PAX5: variants seen among roughly 807,000 people sequenced by gnomAD.
PAX5 encodes paired box protein Pax-5.
Under a neutral mutation model 43.7 loss-of-function variants are expected in PAX5, and 9 were observed. The ratio of observed to expected loss-of-function variants is 0.21; its 90% CI spans 0.12 to 0.36. The LOEUF (loss-of-function observed/expected upper bound fraction) is 0.36. PAX5 is among the 10% of genes least tolerant of loss of function. The pLI is 1.00. For synonymous variants in PAX5, 228 were observed against 214.3 expected (o/e 1.06, Z -0.56); for missense variants, 383 against 532.7 (o/e 0.72, Z 2.77).
chr9:36,896,428 C>T (rs1262704734), intron 7 of PAX5, among the ~76,000 whole-genome samples: 1 of 151,984 alleles, frequency 6.6e-6, no homozygotes, highest in Non-Finnish European at 1.5e-5. Flanking sequence ...GCAGGCTGAG[C>T]AGGTGCACTG....
intron 5 of PAX5, among the ~76,000 whole-genome samples, chr9:36,996,349 C>T: frequency 6.6e-6 from 1 of 152,274 alleles, no homozygotes; most frequent in East Asian, 1.9e-4. Flanking sequence ...CGCCAGATAA[C>T]AAAATGGAGG....
Position 36,988,519 on chromosome 9 carries a change from C to T in PAX5, c.604+14129G>A, listed in dbSNP as rs530630010. ...TGACAAAAAAATTTTAAAAAATAGC[C>T]GGGTGTGGTGGTGCATGCCTGCAGT... On this transcript the variant is annotated intron_variant, in intron 5 of 9. Transcript: ENST00000358127. 8.6e-5 allele frequency among the ~76,000 whole-genome samples: 13 copies of T among 151,874 alleles called. No individual in the cohort carries two copies. The South Asian group carries it at 2.3e-3, about 27-fold the overall frequency.
intron 8 of PAX5, among the ~76,000 whole-genome samples, chr9:36,879,634 C>G (rs1826225548): frequency 6.6e-6 from 1 of 152,168 alleles, no homozygotes; most frequent in Non-Finnish European, 1.5e-5. Context: ...CACAGCCCCC[C>G]GGAAATTCCC....
chr9:36,969,368 G>A (rs12552934), intron 5 of PAX5, among the ~76,000 whole-genome samples: 85,695 of 152,038 alleles, frequency 0.56, 26,012 homozygotes, highest in East Asian at 0.78. Flanking sequence ...CCTCTCCCCC[G>A]GGACTCATGG....
intron 5 of PAX5, among the ~76,000 whole-genome samples, chr9:36,967,009 C>T (rs1003245602): frequency 1.3e-5 from 2 of 152,196 alleles, no homozygotes; most frequent in African/African-American, 2.4e-5. Context: ...TTATTTTCCC[C>T]ACTTTGCAGA....
intron 5 of PAX5, among the ~76,000 whole-genome samples, chr9:36,977,522 T>G (rs796745235): frequency 6.0e-5 from 9 of 150,958 alleles, no homozygotes; most frequent in South Asian, 2.1e-4. Context: ...TTTTTTGGGG[T>G]TTTTTTGTTT....
intron 8 of PAX5, among the ~76,000 whole-genome samples, chr9:36,861,672 G>A (rs1245662874): frequency 6.6e-6 from 1 of 151,956 alleles, no homozygotes; most frequent in Non-Finnish European, 1.5e-5. Context: ...GGGCAGGAGT[G>A]TGGGAGGTGT....
At chr9:36,948,020 C>T (rs1400735166) in intron 6 of PAX5, among the ~76,000 whole-genome samples, 2 of 152,140 alleles carry the variant, frequency 1.3e-5, no homozygotes, top group Admixed American at 6.5e-5. Context: ...ATCCTCTGAA[C>T]GTCTCCCACG....
chr9:36,954,884 C>T (rs1026863472), intron 6 of PAX5, among the ~76,000 whole-genome samples: 20 of 151,948 alleles, frequency 1.3e-4, no homozygotes, highest in Admixed American at 1.3e-3. Context: ...TATCTCTTAC[C>T]TTTTTCTTTC....
At chr9:36,918,799 C>G (rs930653766) in intron 7 of PAX5, among the ~76,000 whole-genome samples, 1 of 152,196 alleles carries the variant, frequency 6.6e-6, no homozygotes, top group Non-Finnish European at 1.5e-5. Flanking sequence ...AAGTTAGAAG[C>G]TAGCAGAGAT....
At position 36,839,562 on chromosome 9, in the gene PAX5, G is replaced by A. The variant is rs1325786431; in HGVS notation, c.*998C>T. The A allele has an allele frequency of 4.3e-6, 1 of 233,326 alleles. No homozygotes were observed. Among genetic ancestry groups the A allele is most frequent in the Admixed American group, 5.6e-5 (1 of 17,788 alleles). 14.5% of individuals were successfully genotyped at this position (233,326 alleles called of 1,614,324 possible). A position where few individuals can be genotyped will look rare whatever the true frequency, so the allele number is the denominator to read the frequency against. ...TCCACTTGCTGGGGTCCTGGAGGGT[G>A]GGTGAAGTGTCCATGGCAGGTGTCC... is the stretch of plus-strand genomic sequence containing the variant. On this transcript the variant is annotated 3_prime_UTR_variant, in exon 10 of 10. Coordinates refer to ENST00000358127, the MANE Select transcript of PAX5 (RefSeq NM_016734.3).
At chr9:36,971,804 C>T (rs1462969763) in intron 5 of PAX5, among the ~76,000 whole-genome samples, 1 of 152,198 alleles carries the variant, frequency 6.6e-6, no homozygotes, top group Non-Finnish European at 1.5e-5. Context: ...ATGTTATTCA[C>T]AACCCAGCTT....
At chr9:36,960,497 C>T (rs540645598) in intron 6 of PAX5, among the ~76,000 whole-genome samples, 5 of 151,994 alleles carry the variant, frequency 3.3e-5, no homozygotes, top group African/African-American at 7.3e-5. Flanking sequence ...GATGAAGGTC[C>T]GGGGTTGGGT....
In PAX5 at chr9:36,965,672, C is replaced by G. The variant is rs186374364; in HGVS notation, c.780+877G>C. On this transcript the variant is annotated intron_variant, in intron 6 of 9. Transcript: ENST00000358127. The stretch of plus-strand genomic sequence containing the variant: ...TAGAGGAAACTCAGCGCAGCCAGTT[C>G]TCACCACTAGTACCAGCGAGGAAAG... 2.6e-5 allele frequency among the ~76,000 whole-genome samples: 4 copies of G among 152,300 alleles called. No individual in the cohort carries two copies. In the East Asian group the frequency reaches 7.7e-4, roughly 29 times the overall value.
In PAX5 at chr9:36,923,430, C is replaced by A. The variant is rs2131969199; in HGVS notation, c.835G>T (p.Ala279Ser). 6.2e-7 allele frequency: 1 copy of A among 1,612,972 alleles called. No homozygotes were observed. Among genetic ancestry groups the A allele is most frequent in the East Asian group, 2.2e-5 (1 of 44,878 alleles). The part of the protein sequence containing the change: ...SLAGGLDDMK[A>S]NLASPTPADI... ...GCAGGGGTGGGGCTGGCCAGATTGG[C>A]CTTCATGTCGTCCAGCCCACCAGCC... The change falls in exon 7 of 10, where the codon GCC (alanine) becomes TCC (serine). Residue 279 changes from alanine to serine, a missense_variant. Physicochemically the swap from Ala to Ser is moderately conservative, Grantham distance 99. Transcript: ENST00000358127.
chr9:36,998,204 T>C (rs1837553847), intron 5 of PAX5, among the ~76,000 whole-genome samples: 3 of 152,188 alleles, frequency 2.0e-5, no homozygotes, highest in Admixed American at 2.0e-4. Context: ...TACCTGCTGC[T>C]GAAGAACAGT....
chr9:36,917,562 G>T (rs1014799894), intron 7 of PAX5, among the ~76,000 whole-genome samples: 1 of 152,220 alleles, frequency 6.6e-6, no homozygotes, highest in African/African-American at 2.4e-5. Flanking sequence ...GGCTAGATTA[G>T]CCCTTTGGCC....
At chr9:36,966,503 C>T (rs748899676) in intron 6 of PAX5, 46 bp downstream of exon 6, 31 of 1,584,266 alleles carry the variant, frequency 2.0e-5, no homozygotes, top group East Asian at 6.7e-5. Flanking sequence ...CTGGCTGGGC[C>T]GGTGTGGCGG....
At chr9:37,024,642 G>GC (rs2132523311) in intron 1 of PAX5, among the ~76,000 whole-genome samples, 1 of 152,328 alleles carries the variant, frequency 6.6e-6, no homozygotes, top group Admixed American at 6.5e-5. Context: ...CTGGGGCCCA[G>GC]CCCCCACTGT....
Sources: gnomAD v4.1 joint callset for allele counts (sites outside exome capture counted in the v4.1 genomes callset) on GRCh38, gnomAD v4.1.1 for gene constraint, MANE v1.5 for transcripts, NCBI Gene and HGNC (gene_info 2026-07-23, HGNC 2026-07-21) for gene names.